LRBA: variants seen among roughly 807,000 people sequenced by gnomAD.
The protein encoded by LRBA is lipopolysaccharide-responsive and beige-like anchor protein.
A neutral mutation model predicts 330.0 loss-of-function variants in LRBA; 176 were observed. That is an observed-to-expected ratio of 0.53 (90% CI 0.47 to 0.60). The LOEUF (loss-of-function observed/expected upper bound fraction) is 0.60. Among genes scored for constraint, LRBA ranks in the 20% least tolerant of loss-of-function variants. The pLI, the probability that LRBA is intolerant of heterozygous loss-of-function variation, is 0.00. For missense variants in LRBA, 3,259 were observed against 3,444.8 expected, an observed-to-expected ratio of 0.95 and a Z score of 1.35; for synonymous variants, 1,230 against 1,193.0, an observed-to-expected ratio of 1.03 and a Z score of -0.64.
rs1313355591 is a variant in LRBA, at chr4:150,407,980, C to T, written c.7194+7458G>A. On this transcript the variant is annotated intron_variant, in intron 47 of 56. Coordinates refer to ENST00000651943, the MANE Select transcript of LRBA (RefSeq NM_001364905.1). ...GAACTCAAATAAAAAAACTAGGTTT[C>T]CAATTTAATAATCTAGTTAGAGTAA... 2.0e-5 allele frequency among the ~76,000 whole-genome samples: 3 copies of T among 151,932 alleles called. No individual in the cohort carries two copies. The East Asian group carries it at 5.8e-4, about 29-fold the overall frequency.
intron 37 of LRBA, among the ~76,000 whole-genome samples, chr4:150,678,551 A>C (rs1782774111): frequency 1.3e-5 from 2 of 152,182 alleles, no homozygotes. Context: ...AAAGACTTTC[A>C]AAAATATACC....
At chr4:150,587,993 C>T (rs1336075107) in intron 40 of LRBA, 55 bp downstream of exon 40, 36 of 1,575,770 alleles carry the variant, frequency 2.3e-5, no homozygotes, top group Non-Finnish European at 5.2e-6. Context: ...CAATCCTATC[C>T]AACAGCACCC....
Position 150,555,623 on chromosome 4 carries a change from C to T in LRBA, c.6330+32425G>A, listed in dbSNP as rs554937945. 6.6e-5 allele frequency among the ~76,000 whole-genome samples: 10 copies of T among 151,966 alleles called. No homozygotes were observed. In the East Asian group the frequency reaches 7.9e-4, roughly 12 times the overall value. On this transcript the variant is annotated intron_variant, in intron 40 of 56. Coordinates refer to ENST00000651943, the MANE Select transcript of LRBA (RefSeq NM_001364905.1). The stretch of plus-strand genomic sequence containing the variant: ...AAAATTAGCTGGGCATGGTGGCGCA[C>T]GCCTGTAGTCTCAGCTACTTGGGAG...
chr4:150,421,195 TA>T (rs1346210298), intron 46 of LRBA, among the ~76,000 whole-genome samples: 1 of 134,960 alleles, frequency 7.4e-6, no homozygotes, highest in Non-Finnish European at 1.5e-5. Context: ...ATATAAAACA[TA>T]TATAATATAT....
intron 48 of LRBA, among the ~76,000 whole-genome samples, chr4:150,328,937 A>G (rs1733649622): frequency 6.6e-6 from 1 of 152,220 alleles, no homozygotes; most frequent in South Asian, 2.1e-4. Context: ...TTTGCACTTA[A>G]CAATGTTTTG....
At chr4:150,758,894 TA>T (rs1368246011) in intron 35 of LRBA, among the ~76,000 whole-genome samples, 4 of 151,996 alleles carry the variant, frequency 2.6e-5, no homozygotes, top group Non-Finnish European at 5.9e-5. Context: ...CTTCTATCCT[TA>T]AATTCCTACA....
intron 36 of LRBA, among the ~76,000 whole-genome samples, chr4:150,715,685 T>C (rs1728094224): frequency 6.6e-6 from 1 of 152,192 alleles, no homozygotes; most frequent in Non-Finnish European, 1.5e-5. Flanking sequence ...ATCATAAGCA[T>C]TTTCTTCAAA....
intron 47 of LRBA, among the ~76,000 whole-genome samples, chr4:150,369,324 A>G (rs990203203): frequency 2.0e-5 from 3 of 152,304 alleles, no homozygotes; most frequent in African/African-American, 7.2e-5. Context: ...AAAGATGCAT[A>G]TATCTGCCAG....
At position 150,843,594 on chromosome 4, in the gene LRBA, G is replaced by A. The variant is rs1272312666; in HGVS notation, c.4569+506C>T. ...TCATGCACCTTTTTATCACATTAGTGTACCTTTGAGGAAAAAATATCCAAT... is the reference window on the plus strand; with the variant it reads ...TCATGCACCTTTTTATCACATTAGTATACCTTTGAGGAAAAAATATCCAAT... On this transcript the variant is annotated intron_variant, in intron 28 of 56. Coordinates refer to ENST00000651943, the MANE Select transcript of LRBA (RefSeq NM_001364905.1). Among the ~76,000 whole-genome samples the A allele has an allele frequency of 5.9e-5, 9 of 152,100 alleles. No homozygotes were observed. In the East Asian group the frequency reaches 1.3e-3, roughly 23 times the overall value.
intron 29 of LRBA, among the ~76,000 whole-genome samples, chr4:150,830,757 C>CTTTTT (rs57178610): frequency 1.2e-5 from 1 of 81,988 alleles, no homozygotes. Flanking sequence ...TACAGAGTTA[C>CTTTTT]TTTTTTTTTT....
intron 40 of LRBA, among the ~76,000 whole-genome samples, chr4:150,526,012 A>G (rs1763433796): frequency 1.3e-5 from 2 of 152,146 alleles, no homozygotes; most frequent in South Asian, 2.1e-4. Context: ...TCCAGTTTAC[A>G]TTAATTTTAC....
chr4:150,513,916 C>T (rs900196154), intron 40 of LRBA, among the ~76,000 whole-genome samples: 8 of 152,080 alleles, frequency 5.3e-5, no homozygotes, highest in South Asian at 2.1e-4. Context: ...CTTGGGGATG[C>T]GAGGGAAATA....
At chr4:150,471,974 A>G (rs1397219882) in intron 42 of LRBA, among the ~76,000 whole-genome samples, 1 of 152,076 alleles carries the variant, frequency 6.6e-6, no homozygotes, top group African/African-American at 2.4e-5. Flanking sequence ...TTACAGTGCC[A>G]TTATAATGTA....
At position 150,801,276 on chromosome 4, in the gene LRBA, C is replaced by T. The variant is rs925309981; in HGVS notation, c.5519-3134G>A. On this transcript the variant is annotated intron_variant, in intron 33 of 56. Transcript: ENST00000651943. ...TATCTTTTAGATAAAACTAAATGCT[C>T]ATGATGAATCTGAAACACAACCATC... Among the ~76,000 whole-genome samples, 5 of 152,238 alleles carry T rather than the reference C, an allele frequency of 3.3e-5. No individual in the cohort carries two copies. In the South Asian group the frequency reaches 1.0e-3, roughly 32 times the overall value.
chr4:150,339,357 G>A (rs1256905574), intron 48 of LRBA, among the ~76,000 whole-genome samples: 1 of 152,058 alleles, frequency 6.6e-6, no homozygotes, highest in Admixed American at 6.6e-5. Context: ...ATTGAATGTT[G>A]AGAAAGAACA....
chr4:150,362,374 T>G, intron 47 of LRBA, among the ~76,000 whole-genome samples: 1 of 152,226 alleles, frequency 6.6e-6, no homozygotes, highest in Non-Finnish European at 1.5e-5. Context: ...AGTTATTCTA[T>G]CGGTATCCAA....
rs949350297 is a variant in LRBA, at chr4:150,333,821, C to T, written c.7363-7923G>A. Among the ~76,000 whole-genome samples, 12 of 152,128 alleles carry T rather than the reference C, an allele frequency of 7.9e-5. 1 individual carries two copies. The East Asian group carries it at 1.2e-3, about 15-fold the overall frequency. On this transcript the variant is annotated intron_variant, in intron 48 of 56. Transcript: ENST00000651943. ...TGACTACTTAATCATGATATGGTTA[C>T]GTTTGTATTTAATTCCTAAAGGAAA...
chr4:150,585,911 T>C (rs1772056252), intron 40 of LRBA, among the ~76,000 whole-genome samples: 1 of 152,172 alleles, frequency 6.6e-6, no homozygotes. Context: ...CTAGTTCACT[T>C]GACAAACAGG....
chr4:150,583,686 C>T lies in LRBA; in HGVS notation c.6330+4362G>A, dbSNP rs148537581. On this transcript the variant is annotated intron_variant, in intron 40 of 56. Transcript: ENST00000651943. This position sits in a 1 kb window ranked among gnomAD's most constrained non-coding sequence, Gnocchi z 9.8. ...TCTCGAAGGAGTGCTACTCGCTGACCGGCAAGCAGAGCTCGGCAGAGAGCG... is the reference window on the plus strand; with the variant it reads ...TCTCGAAGGAGTGCTACTCGCTGACTGGCAAGCAGAGCTCGGCAGAGAGCG... The T allele has an allele frequency of 2.0e-5, 32 of 1,613,588 alleles. No individual in the cohort carries two copies. The highest frequency in any genetic ancestry group is 1.6e-4 in the Middle Eastern group (1 of 6,084).
Sources: gnomAD v4.1 joint callset for allele counts (sites outside exome capture counted in the v4.1 genomes callset) on GRCh38, gnomAD v4.1.1 for gene constraint, Gnocchi (gnomAD v3.1) non-coding constraint, MANE v1.5 for transcripts, NCBI Gene and HGNC (gene_info 2026-07-23, HGNC 2026-07-21) for gene names.